The following LNPK variants were observed in gnomAD, a reference collection of about 807,000 sequenced individuals.
The protein encoded by LNPK is endoplasmic reticulum junction formation protein lunapark.
A neutral mutation model predicts 55.2 loss-of-function variants in LNPK; 29 were observed. That is an observed-to-expected ratio of 0.53 (90% CI 0.39 to 0.72). The LOEUF is 0.72. LNPK is among the 30% of genes least tolerant of loss of function. The pLI, the probability that LNPK is intolerant of heterozygous loss-of-function variation, is 0.00. For synonymous variants in LNPK, 162 were observed against 168.2 expected (o/e 0.96, Z 0.29); for missense variants, 467 against 494.8 (o/e 0.94, Z 0.53).
In LNPK at chr2:175,979,024, T is replaced by A. The variant is rs560108673; in HGVS notation, c.316+786A>T. On this transcript the variant is annotated intron_variant, in intron 5 of 12. Transcript: ENST00000272748. ...TGGATCCTTAGTCAAACAAATAAAA[T>A]TTTTTTAAAAGCAAATGATACTTAT... is the stretch of plus-strand genomic sequence containing the variant. Among the ~76,000 whole-genome samples the A allele has an allele frequency of 6.6e-5, 10 of 152,100 alleles. No individual in the cohort carries two copies. In the East Asian group the frequency reaches 9.6e-4, roughly 15 times the overall value.
chr2:175,939,409 G>A (rs1414558208), intron 10 of LNPK, 143 bp downstream of exon 10: 4 of 421,236 alleles, frequency 9.5e-6, no homozygotes, highest in Non-Finnish European at 1.7e-5. Flanking sequence ...AATTGAATAT[G>A]TACTCTTTTG....
At chr2:175,946,209 A>C (rs1354860667) in intron 9 of LNPK, among the ~76,000 whole-genome samples, 1 of 152,118 alleles carries the variant, frequency 6.6e-6, no homozygotes, top group Non-Finnish European at 1.5e-5. Context: ...ATGTTGCTAA[A>C]CTTTTTGCTT....
At chr2:175,979,988 C>G in intron 4 of LNPK, 120 bp from the exon 5 acceptor site, 1 of 903,134 alleles carries the variant, frequency 1.1e-6, no homozygotes. Flanking sequence ...CCTTTATATA[C>G]AGAAAACTAA....
chr2:176,001,107 C>A (rs115394012), intron 1 of LNPK, among the ~76,000 whole-genome samples: 2,065 of 152,156 alleles, frequency 0.014, 23 homozygotes, highest in Non-Finnish European at 0.02. Context: ...AGATAACAGA[C>A]AACCTTAAAA....
chr2:175,937,994 T>C (rs1684634838), intron 11 of LNPK: 2 of 201,468 alleles, frequency 9.9e-6, no homozygotes, highest in Non-Finnish European at 2.0e-5. Context: ...AAAAATATAC[T>C]GATGCCTGGA....
intron 1 of LNPK, among the ~76,000 whole-genome samples, chr2:175,997,740 A>AGTGTGTGTGTGTGT (rs1559079701): frequency 3.0e-3 from 159 of 52,898 alleles, no homozygotes; most frequent in African/African-American, 9.9e-3. Context: ...TGTGTGTATA[A>AGTGTGTGTGTGTGT]ATATAATTTT....
intron 6 of LNPK, 45 bp downstream of exon 6, chr2:175,970,716 GTTC>G (rs1386808264): frequency 9.7e-6 from 10 of 1,027,090 alleles, no homozygotes; most frequent in African/African-American, 5.0e-5. Context: ...TAATTATTCA[GTTC>G]TTATTAGTTT....
intron 5 of LNPK, among the ~76,000 whole-genome samples, chr2:175,971,957 C>T (rs1038739434): frequency 6.6e-6 from 1 of 152,114 alleles, no homozygotes; most frequent in Non-Finnish European, 1.5e-5. Context: ...ATTGCTCTGT[C>T]ACCCAGGCTG....
chr2:175,995,464 T>C (rs1687886593), intron 2 of LNPK, 94 bp downstream of exon 2: 1 of 913,850 alleles, frequency 1.1e-6, no homozygotes, highest in Non-Finnish European at 1.7e-6. Context: ...CAAACTACTA[T>C]TCAAGGCTAT....
Position 175,964,402 on chromosome 2 carries a change from C to T in LNPK, c.463G>A (p.Gly155Arg). ...CCAGGTCTTGCAGTTACAGCTGCTC[C>T]AGCAGATGGCGGCTCACACTCCTGT... ...KAKECEPPSA[G>R]AAVTARPGQE... The change falls in exon 8 of 13, where the codon GGA (glycine) becomes AGA (arginine). Residue 155 changes from glycine to arginine, a missense_variant. Gly to Arg is a moderately radical substitution (Grantham distance 125). Coordinates refer to ENST00000272748, the MANE Select transcript of LNPK (RefSeq NM_030650.3). 1 of 1,613,536 alleles carries T rather than the reference C, an allele frequency of 6.2e-7. No individual in the cohort carries two copies. The highest frequency in any genetic ancestry group is 8.5e-7 in the Non-Finnish European group (1 of 1,179,536).
At position 175,947,681 on chromosome 2, in the gene LNPK, G is replaced by A; in HGVS notation, c.505C>T (p.Arg169Ter). Reference sequence around the variant, plus strand: ...GAAAGGTTTCTTTGAGCTGCAGTTCGCTGACGAATCTCTGAGAAGAGTAAG... The same window carrying A: ...GAAAGGTTTCTTTGAGCTGCAGTTCACTGACGAATCTCTGAGAAGAGTAAG... Reference protein sequence around the residue: ...TARPGQEIRQRTAAQRNLSPT... With the variant: ...TARPGQEIRQ The change falls in exon 9 of 13, where the codon CGA (arginine) becomes TGA (stop). Residue 169 changes from arginine to a stop codon, truncating the protein, a stop_gained. Coordinates refer to ENST00000272748, the MANE Select transcript of LNPK (RefSeq NM_030650.3). LOFTEE classifies it high-confidence loss of function. 1.2e-6 allele frequency: 2 copies of A among 1,610,860 alleles called. No individual in the cohort carries two copies. Among genetic ancestry groups the A allele is most frequent in the Non-Finnish European group, 1.7e-6 (2 of 1,178,334 alleles).
intron 6 of LNPK, among the ~76,000 whole-genome samples, chr2:175,968,433 A>T (rs1686481024): frequency 6.6e-6 from 1 of 152,178 alleles, no homozygotes; most frequent in Non-Finnish European, 1.5e-5. Flanking sequence ...ATGTATTTTG[A>T]TAGAGCTTGA....
At chr2:175,933,731 GT>G (rs34348423) in intron 12 of LNPK, among the ~76,000 whole-genome samples, 35 of 122,102 alleles carry the variant, frequency 2.9e-4, no homozygotes, top group Admixed American at 6.4e-4. Context: ...CAAGTTAAGG[GT>G]TTTTTTTTTT....
intron 9 of LNPK, among the ~76,000 whole-genome samples, chr2:175,941,840 AAAAAAAAAAAC>A (rs1190564264): frequency 7.3e-6 from 1 of 137,088 alleles, no homozygotes; most frequent in African/African-American, 2.9e-5. Flanking sequence ...AGAAATCTTA[AAAAAAAAAAAC>A]AAAAAAAAAA....
At chr2:175,984,566 T>C (rs1218343167) in intron 4 of LNPK, among the ~76,000 whole-genome samples, 2 of 152,054 alleles carry the variant, frequency 1.3e-5, no homozygotes, top group Non-Finnish European at 2.9e-5. Context: ...AAGTCATGAA[T>C]AAACATTTTG....
chr2:175,979,507 G>A (rs1333948534), intron 5 of LNPK, among the ~76,000 whole-genome samples: 7 of 151,514 alleles, frequency 4.6e-5, no homozygotes, highest in African/African-American at 1.5e-4. Context: ...GCAGTGAGCC[G>A]AGATCGTGCC....
Position 175,995,664 on chromosome 2 carries a change from A to AT in LNPK, c.-62-19dup. The stretch of plus-strand genomic sequence containing the variant: ...ATTCACAGCTAGAAATAAAGCAAGT[A>AT]TTTAAAATGTTAAGTTAAACACACA... On this transcript the variant is annotated intron_variant, in intron 1 of 12. Coordinates refer to ENST00000272748, the MANE Select transcript of LNPK (RefSeq NM_030650.3). 8.1e-7 allele frequency: 1 copy of AT among 1,241,822 alleles called. No individual in the cohort carries two copies. Among genetic ancestry groups the AT allele is most frequent in the Non-Finnish European group, 1.2e-6 (1 of 843,564 alleles). The allele number at this position is 1,241,822 out of a possible 1,614,324, so 76.9% of individuals were successfully genotyped here.
At chr2:175,999,413 T>C (rs1322000780) in intron 1 of LNPK, among the ~76,000 whole-genome samples, 1 of 152,168 alleles carries the variant, frequency 6.6e-6, no homozygotes, top group Non-Finnish European at 1.5e-5. Flanking sequence ...AGGACCCCCT[T>C]AAATGTTGAA....
intron 12 of LNPK, 105 bp downstream of exon 12, chr2:175,937,239 G>T: frequency 8.7e-7 from 1 of 1,155,346 alleles, no homozygotes; most frequent in Non-Finnish European, 1.2e-6. Flanking sequence ...TATGCATGCA[G>T]CAAAATCTGA....
Sources: gnomAD v4.1 joint callset for allele counts (sites outside exome capture counted in the v4.1 genomes callset) on GRCh38, gnomAD v4.1.1 for gene constraint, MANE v1.5 for transcripts, NCBI Gene and HGNC (gene_info 2026-07-23, HGNC 2026-07-21) for gene names.